TMEM117: variants seen among roughly 807,000 people sequenced by gnomAD.
The protein encoded by TMEM117 is transmembrane protein 117.
Under a neutral mutation model 52.4 loss-of-function variants are expected in TMEM117, and 27 were observed. The ratio of observed to expected loss-of-function variants is 0.51; its 90% CI spans 0.38 to 0.71. TMEM117 has a LOEUF of 0.71. Among genes scored for constraint, TMEM117 ranks in the 30% least tolerant of loss-of-function variants. TMEM117 has a pLI of 0.00. For synonymous variants in TMEM117, 215 were observed against 206.3 expected (o/e 1.04, Z -0.36); for missense variants, 556 against 630.5 (o/e 0.88, Z 1.26).
At chr12:44,242,868 A>G (rs1950080661) in intron 5 of TMEM117, among the ~76,000 whole-genome samples, 1 of 151,696 alleles carries the variant, frequency 6.6e-6, no homozygotes, top group South Asian at 2.1e-4. Flanking sequence ...GAACTAATTT[A>G]CACTCCCACC....
intron 4 of TMEM117, among the ~76,000 whole-genome samples, chr12:44,199,927 G>A (rs2138365832): frequency 6.6e-6 from 1 of 152,210 alleles, no homozygotes; most frequent in East Asian, 1.9e-4. Context: ...AGACCAGCCT[G>A]GTCAACATGG....
At chr12:43,871,315 GCTGGT>G (rs1230344546) in intron 2 of TMEM117, among the ~76,000 whole-genome samples, 12 of 152,184 alleles carry the variant, frequency 7.9e-5, no homozygotes, top group African/African-American at 2.9e-4. Context: ...TGTTGGTCAG[GCTGGT>G]CTTAAACTCC....
chr12:44,380,580 G>A (rs114324061), intron 7 of TMEM117, among the ~76,000 whole-genome samples: 2,234 of 152,214 alleles, frequency 0.015, 58 homozygotes, highest in African/African-American at 0.051. Context: ...GGTCCTCATC[G>A]AGTTCCTTAG....
Position 44,196,545 on chromosome 12 carries a change from G to A in TMEM117, c.511-14745G>A, listed in dbSNP as rs183572664. Among the ~76,000 whole-genome samples the A allele has an allele frequency of 8.6e-5, 13 of 151,980 alleles. 1 individual carries two copies. The highest frequency in any genetic ancestry group is 5.9e-5 in the Non-Finnish European group (4 of 67,968). Reference sequence around the variant, plus strand: ...TTAACAAAACAACAGAAAATGAAACGGTTTGACTAAAACACTTTTACTTGA... The same window carrying A: ...TTAACAAAACAACAGAAAATGAAACAGTTTGACTAAAACACTTTTACTTGA... On this transcript the variant is annotated intron_variant, in intron 4 of 7. Transcript: ENST00000266534.
At chr12:43,938,401 A>G (rs956440956) in intron 2 of TMEM117, among the ~76,000 whole-genome samples, 7 of 151,930 alleles carry the variant, frequency 4.6e-5, no homozygotes, top group Non-Finnish European at 1.0e-4. Context: ...TTTCTCTAGA[A>G]GTGCTAGGGC....
intron 3 of TMEM117, among the ~76,000 whole-genome samples, chr12:44,105,363 A>G (rs779336534): frequency 1.3e-5 from 2 of 151,934 alleles, no homozygotes; most frequent in Non-Finnish European, 2.9e-5. Context: ...TTATTCTTGC[A>G]TGTTGTCTAC....
chr12:44,175,428 G>A (rs1049944906), intron 4 of TMEM117, among the ~76,000 whole-genome samples: 5 of 152,150 alleles, frequency 3.3e-5, no homozygotes, highest in Admixed American at 6.6e-5. Context: ...AGAGTGGGAT[G>A]GGAATAATGA....
intron 3 of TMEM117, among the ~76,000 whole-genome samples, chr12:43,949,857 G>A (rs1945192010): frequency 6.6e-6 from 1 of 152,098 alleles, no homozygotes; most frequent in Non-Finnish European, 1.5e-5. Flanking sequence ...GCTACCATAG[G>A]TGCAGTTTTG....
At chr12:44,092,900 G>A (rs1947697745) in intron 3 of TMEM117, among the ~76,000 whole-genome samples, 1 of 152,186 alleles carries the variant, frequency 6.6e-6, no homozygotes, top group African/African-American at 2.4e-5. Context: ...AATAAAGGAG[G>A]AAGAGTACAA....
chr12:44,246,271 A>G (rs1177863273), intron 5 of TMEM117, among the ~76,000 whole-genome samples: 1 of 152,170 alleles, frequency 6.6e-6, no homozygotes, highest in Non-Finnish European at 1.5e-5. Flanking sequence ...CTAAATAATA[A>G]GATATTCTGG....
At chr12:44,140,829 T>C (rs1383621979) in intron 3 of TMEM117, among the ~76,000 whole-genome samples, 1 of 152,028 alleles carries the variant, frequency 6.6e-6, no homozygotes, top group African/African-American at 2.4e-5. Flanking sequence ...GTCCTCAATA[T>C]AAGGAAGTTG....
chr12:44,242,246 C>T (rs559097615), intron 5 of TMEM117, among the ~76,000 whole-genome samples: 6 of 151,794 alleles, frequency 4.0e-5, no homozygotes, highest in African/African-American at 9.7e-5. Context: ...AGGTATTAAG[C>T]CTAGTACCCA....
chr12:43,938,147 G>A (rs1250221855), intron 2 of TMEM117, among the ~76,000 whole-genome samples: 1 of 151,680 alleles, frequency 6.6e-6, no homozygotes, highest in Non-Finnish European at 1.5e-5. Context: ...GCATGTGAGG[G>A]CTGGGGTATG....
intron 5 of TMEM117, among the ~76,000 whole-genome samples, chr12:44,262,803 G>A (rs1463293168): frequency 3.3e-5 from 5 of 152,124 alleles, no homozygotes; most frequent in African/African-American, 1.2e-4. Flanking sequence ...TAGCCAAGAT[G>A]GTCTCCATCT....
chr12:44,089,844 A>G (rs1242615249), intron 3 of TMEM117, among the ~76,000 whole-genome samples: 2 of 152,180 alleles, frequency 1.3e-5, no homozygotes, highest in Admixed American at 1.3e-4. Flanking sequence ...TTCTTGTTGT[A>G]AATAAAAACA....
At chr12:44,239,782 T>G (rs1042175855) in intron 5 of TMEM117, among the ~76,000 whole-genome samples, 5 of 152,080 alleles carry the variant, frequency 3.3e-5, no homozygotes, top group Non-Finnish European at 7.4e-5. Flanking sequence ...CATGCACACA[T>G]ACACATGCTC....
At chr12:44,294,111 T>G (rs1950738506) in intron 5 of TMEM117, among the ~76,000 whole-genome samples, 2 of 152,200 alleles carry the variant, frequency 1.3e-5, no homozygotes, top group South Asian at 4.1e-4. Context: ...CTGAACACTT[T>G]GAATATATCA....
intron 3 of TMEM117, among the ~76,000 whole-genome samples, chr12:44,014,251 A>G (rs1946340036): frequency 6.6e-6 from 1 of 152,164 alleles, no homozygotes; most frequent in African/African-American, 2.4e-5. Flanking sequence ...AGAGAATAAC[A>G]GAATCATTTT....
intron 2 of TMEM117, among the ~76,000 whole-genome samples, chr12:43,848,862 G>A (rs890190766): frequency 8.5e-5 from 13 of 152,150 alleles, no homozygotes; most frequent in Admixed American, 6.5e-4. Flanking sequence ...CCCTCTGTTC[G>A]GAGTCCCTGA....
Sources: gnomAD v4.1 joint callset for allele counts (sites outside exome capture counted in the v4.1 genomes callset) on GRCh38, gnomAD v4.1.1 for gene constraint, MANE v1.5 for transcripts, NCBI Gene and HGNC (gene_info 2026-07-23, HGNC 2026-07-21) for gene names.